Variants in UVSSA observed in about 807,000 individuals in gnomAD.
The protein encoded by UVSSA is UV stimulated scaffold protein A.
A neutral mutation model predicts 73.9 loss-of-function variants in UVSSA; 72 were observed. That is an observed-to-expected ratio of 0.97 (90% CI 0.81 to 1.19). The LOEUF is 1.19. Among genes scored for constraint, UVSSA ranks in the 50% most tolerant of loss-of-function variants. The pLI is 0.00. For missense variants in UVSSA, 1,150 were observed against 965.0 expected, an observed-to-expected ratio of 1.19 and a Z score of -2.54; for synonymous variants, 454 against 391.3, an observed-to-expected ratio of 1.16 and a Z score of -1.89.
upstream of UVSSA, among the ~76,000 whole-genome samples, chr4:1,344,565 A>C (rs1713544475): frequency 6.6e-6 from 1 of 152,200 alleles, no homozygotes; most frequent in Non-Finnish European, 1.5e-5. Context: ...AAAAACAAAC[A>C]AGAATATCGT....
intron 8 of UVSSA, chr4:1,375,058 C>G: frequency 2.7e-6 from 1 of 364,278 alleles, no homozygotes; most frequent in Non-Finnish European, 5.0e-6. Context: ...TTCTTTCCAG[C>G]CTGGCGAATC....
intron 8 of UVSSA, chr4:1,374,982 G>T: frequency 4.3e-6 from 1 of 232,608 alleles, no homozygotes; most frequent in Non-Finnish European, 8.5e-6. Flanking sequence ...CTCACCACCG[G>T]AGCCTGAGCT....
intron 8 of UVSSA, among the ~76,000 whole-genome samples, chr4:1,367,116 C>G (rs11247996): frequency 0.3 from 45,190 of 152,168 alleles, 7,973 homozygotes; most frequent in Non-Finnish European, 0.4. Context: ...CTGTGCACTC[C>G]ACGGCAAGGG....
intron 11 of UVSSA, 43 bp from the exon 12 acceptor site, chr4:1,380,837 C>T (rs1363589164): frequency 3.7e-5 from 59 of 1,597,344 alleles, no homozygotes; most frequent in African/African-American, 8.0e-5. Context: ...TCAAGGCAAG[C>T]GGACCCCTCC....
rs376244550 is a variant in UVSSA, at chr4:1,376,107, C to T, written c.1507C>T (p.Pro503Ser). 2 of 1,606,886 alleles carry T rather than the reference C, an allele frequency of 1.2e-6. No individual in the cohort carries two copies. Among genetic ancestry groups the T allele is most frequent in the South Asian group, 2.2e-5 (2 of 89,916 alleles). ...AGAGCGGGCCCGGGCGCCTGTGGTG[C>T]CCTACGGCGTGGACCTGCACTACTG... is the stretch of plus-strand genomic sequence containing the variant. ...AAERARAPVV[P>S]YGVDLHYWGQ... is the part of the protein sequence containing the mutation. The change falls in exon 10 of 14, where the codon CCC (proline) becomes TCC (serine). Residue 503 changes from proline to serine, a missense_variant. Coordinates refer to ENST00000389851, the MANE Select transcript of UVSSA (RefSeq NM_020894.4).
chr4:1,386,121 C>A lies in UVSSA; in HGVS notation c.*160C>A. The stretch of plus-strand genomic sequence containing the variant: ...GCAATGCCCTGAAGGTACGGCCGCT[C>A]TGCTGCTACAGGGTTCGGCATCGTC... On this transcript the variant is annotated 3_prime_UTR_variant, in exon 14 of 14. Transcript: ENST00000389851. 1.3e-6 allele frequency: 1 copy of A among 768,192 alleles called. No individual in the cohort carries two copies. The highest frequency in any genetic ancestry group is 2.1e-6 in the Non-Finnish European group (1 of 470,012). 47.6% of individuals were successfully genotyped at this position (768,192 alleles called of 1,614,324 possible).
At chr4:1,368,976 G>A (rs1717685320) in intron 8 of UVSSA, among the ~76,000 whole-genome samples, 1 of 152,172 alleles carries the variant, frequency 6.6e-6, no homozygotes, top group Non-Finnish European at 1.5e-5. Flanking sequence ...CGGTGGAGGG[G>A]AGGGTGCCTT....
At chr4:1,383,071 C>T (rs1298792196) in intron 12 of UVSSA, among the ~76,000 whole-genome samples, 4 of 152,336 alleles carry the variant, frequency 2.6e-5, no homozygotes, top group South Asian at 2.1e-4. Flanking sequence ...GCCATCTGCA[C>T]GGTGGGTACT....
intron 7 of UVSSA, chr4:1,358,681 T>C (rs1249248842): frequency 3.3e-5 from 5 of 152,274 alleles, no homozygotes; most frequent in Non-Finnish European, 5.9e-5. Context: ...TGGGGCTGGC[T>C]GACAAACGTG....
intron 2 of UVSSA, among the ~76,000 whole-genome samples, chr4:1,348,950 C>T (rs537542063): frequency 1.3e-5 from 2 of 152,148 alleles, no homozygotes; most frequent in East Asian, 3.9e-4. Flanking sequence ...AGTGTGCGTG[C>T]TGGGCGGTGT....
chr4:1,367,101 G>A (rs1339088526), intron 8 of UVSSA, among the ~76,000 whole-genome samples: 1 of 152,208 alleles, frequency 6.6e-6, no homozygotes, highest in Non-Finnish European at 1.5e-5. Context: ...CTGGGCCCAG[G>A]GCTGCTGTGC....
intron 7 of UVSSA, among the ~76,000 whole-genome samples, chr4:1,361,647 A>G (rs1716650179): frequency 1.3e-5 from 2 of 152,248 alleles, no homozygotes; most frequent in Non-Finnish European, 2.9e-5. Context: ...GGAGATGCAC[A>G]TGAGATATTG....
chr4:1,342,315 G>A (rs1400124541), upstream of UVSSA, among the ~76,000 whole-genome samples: 1 of 152,192 alleles, frequency 6.6e-6, no homozygotes, highest in Non-Finnish European at 1.5e-5. Flanking sequence ...GCCACAGTGT[G>A]ATTTTCCCTT....
At chr4:1,343,169 G>C (rs1713490477), upstream of UVSSA, among the ~76,000 whole-genome samples, 1 of 152,130 alleles carries the variant, frequency 6.6e-6, no homozygotes, top group Non-Finnish European at 1.5e-5. Context: ...CACGGTTCTA[G>C]AGGAGATGCT....
At chr4:1,358,829 C>A (rs1197032642) in intron 7 of UVSSA, among the ~76,000 whole-genome samples, 5 of 152,236 alleles carry the variant, frequency 3.3e-5, no homozygotes, top group African/African-American at 1.2e-4. Flanking sequence ...TCGTTAACTC[C>A]GTGTGTAGAA....
chr4:1,370,103 C>T (rs373973554), intron 8 of UVSSA, among the ~76,000 whole-genome samples: 1 of 152,082 alleles, frequency 6.6e-6, no homozygotes, highest in African/African-American at 2.4e-5. Context: ...AACACGCTTA[C>T]CCATCTTTTT....
chr4:1,385,893 G>A lies in UVSSA; in HGVS notation c.2062G>A (p.Ala688Thr), dbSNP rs145324347. ...GGCAGCTGTGCGGAGGGTAGTGGCA[G>A]CCATGAACCGGATGGACCAGAAGAA... ...AKAAVRRVVA[A>T]MNRMDQKKHE... The change falls in exon 14 of 14, where the codon GCC (alanine) becomes ACC (threonine). Residue 688 changes from alanine (A) to threonine (T), a missense_variant. Ala to Thr is a moderately conservative substitution (Grantham distance 58, BLOSUM62 0). Coordinates refer to ENST00000389851, the MANE Select transcript of UVSSA (RefSeq NM_020894.4). 1,362 of 1,614,092 alleles carry A rather than the reference G, an allele frequency of 8.4e-4. 34 individuals are homozygous for A. In the South Asian group the frequency reaches 0.013, roughly 16 times the overall value.
chr4:1,354,616 T>C (rs1458136495), intron 5 of UVSSA, 119 bp from the exon 6 acceptor site: 5 of 789,668 alleles, frequency 6.3e-6, no homozygotes, highest in African/African-American at 3.5e-5. Context: ...GGGGCAGGCA[T>C]GGGCGTCTGG....
upstream of UVSSA, among the ~76,000 whole-genome samples, chr4:1,345,581 G>T (rs1490376863): frequency 1.3e-5 from 2 of 149,664 alleles, no homozygotes; most frequent in African/African-American, 5.0e-5. Flanking sequence ...GGAGGCGGAG[G>T]CTGCAGTGAA....
Sources: allele counts gnomAD v4.1 joint callset (sites outside exome capture counted in the v4.1 genomes callset), GRCh38; gene constraint gnomAD v4.1.1; transcripts MANE v1.5; gene names NCBI Gene and HGNC (gene_info 2026-07-23, HGNC 2026-07-21).